The following TMEM108 variants were observed in gnomAD, a reference collection of about 807,000 sequenced individuals.
TMEM108 encodes cancer/testis antigen 124.
Under a neutral mutation model 35.1 loss-of-function variants are expected in TMEM108, and 12 were observed. That is an observed-to-expected ratio of 0.34 (90% CI 0.22 to 0.55). The LOEUF is 0.55. TMEM108 is among the 20% of genes least tolerant of loss of function. The pLI is 0.89. For synonymous variants in TMEM108, 287 were observed against 308.6 expected (o/e 0.93, Z 0.73); for missense variants, 680 against 753.3 (o/e 0.90, Z 1.14).
intron 3 of TMEM108, among the ~76,000 whole-genome samples, chr3:133,345,316 C>T (rs1169871583): frequency 6.6e-6 from 1 of 151,748 alleles, no homozygotes; most frequent in Non-Finnish European, 1.5e-5. Flanking sequence ...AGACCCAGAG[C>T]TAGATGACCA....
chr3:133,194,442 C>T (rs1945547497), intron 2 of TMEM108, among the ~76,000 whole-genome samples: 1 of 152,086 alleles, frequency 6.6e-6, no homozygotes, highest in Non-Finnish European at 1.5e-5. Flanking sequence ...AAACTAGATT[C>T]ATCCTAACAA....
At chr3:133,201,809 TATAC>T in intron 2 of TMEM108, among the ~76,000 whole-genome samples, 1 of 152,354 alleles carries the variant, frequency 6.6e-6, no homozygotes, top group Admixed American at 6.5e-5. Flanking sequence ...ACTGTGGGTA[TATAC>T]CCAGTAACAG....
At chr3:133,324,146 C>T (rs145136246) in intron 3 of TMEM108, among the ~76,000 whole-genome samples, 241 of 152,170 alleles carry the variant, frequency 1.6e-3, no homozygotes, top group African/African-American at 5.4e-3. Context: ...AATCCAACAG[C>T]AAATTGAACA....
intron 2 of TMEM108, among the ~76,000 whole-genome samples, chr3:133,199,149 A>G (rs1173694482): frequency 6.6e-6 from 1 of 152,124 alleles, no homozygotes; most frequent in African/African-American, 2.4e-5. Context: ...AGGTCCCTTA[A>G]GGACTTCTCT....
chr3:133,049,510 C>T (rs537316796), intron 2 of TMEM108, among the ~76,000 whole-genome samples: 1 of 152,230 alleles, frequency 6.6e-6, no homozygotes, highest in Admixed American at 6.5e-5. Flanking sequence ...ATAACAAGAC[C>T]TCAACTCATT....
At chr3:133,256,164 G>A (rs1946543287) in intron 3 of TMEM108, among the ~76,000 whole-genome samples, 1 of 152,248 alleles carries the variant, frequency 6.6e-6, no homozygotes, top group Admixed American at 6.5e-5. Flanking sequence ...CAAGGAGACA[G>A]TGAAATAATA....
intron 2 of TMEM108, chr3:133,125,034 G>A (rs1264228086): frequency 1.3e-5 from 2 of 152,188 alleles, no homozygotes; most frequent in Non-Finnish European, 2.9e-5. Flanking sequence ...TCTGAGACTC[G>A]TTGGAGAATT....
At chr3:133,044,680 G>A (rs1251823004) in intron 1 of TMEM108, among the ~76,000 whole-genome samples, 2 of 152,160 alleles carry the variant, frequency 1.3e-5, no homozygotes, top group Non-Finnish European at 2.9e-5. Context: ...AGAAGTTGGT[G>A]GCTCGTGCCT....
At chr3:133,273,505 A>G (rs1410251979) in intron 3 of TMEM108, among the ~76,000 whole-genome samples, 2 of 152,154 alleles carry the variant, frequency 1.3e-5, no homozygotes, top group Non-Finnish European at 2.9e-5. Context: ...AGTACTCAGC[A>G]GGACTGACGT....
intron 2 of TMEM108, among the ~76,000 whole-genome samples, chr3:133,170,567 A>C (rs73007502): frequency 3.3e-5 from 5 of 152,094 alleles, no homozygotes; most frequent in Non-Finnish European, 7.4e-5. Flanking sequence ...ACATTAACAC[A>C]CTCTAAGACA....
At chr3:133,300,129 A>C (rs1225900186) in intron 3 of TMEM108, among the ~76,000 whole-genome samples, 1 of 152,236 alleles carries the variant, frequency 6.6e-6, no homozygotes, top group Middle Eastern at 3.4e-3. Flanking sequence ...CAAGCATTGA[A>C]AGCCTCCAAA....
At chr3:133,245,728 G>C (rs2107663995) in intron 3 of TMEM108, among the ~76,000 whole-genome samples, 1 of 152,302 alleles carries the variant, frequency 6.6e-6, no homozygotes. Flanking sequence ...CATATTGTTG[G>C]ATGAGACTTC....
intron 2 of TMEM108, among the ~76,000 whole-genome samples, chr3:133,182,320 G>A (rs1190545448): frequency 1.3e-5 from 2 of 152,120 alleles, no homozygotes; most frequent in African/African-American, 4.8e-5. Flanking sequence ...AAATACATTG[G>A]TTTGATTTCT....
chr3:133,142,425 A>G (rs990322106), intron 2 of TMEM108, among the ~76,000 whole-genome samples: 7 of 152,194 alleles, frequency 4.6e-5, no homozygotes, highest in African/African-American at 1.7e-4. Context: ...TGAGGAGAGC[A>G]GCTCAGCTGG....
chr3:133,073,013 A>G (rs1943694480), intron 2 of TMEM108, among the ~76,000 whole-genome samples: 1 of 152,148 alleles, frequency 6.6e-6, no homozygotes, highest in Non-Finnish European at 1.5e-5. Context: ...GTTTAAATTG[A>G]CAGATGGAAA....
chr3:133,337,799 T>G (rs1292896512), intron 3 of TMEM108, among the ~76,000 whole-genome samples: 1 of 152,030 alleles, frequency 6.6e-6, no homozygotes, highest in Non-Finnish European at 1.5e-5. Context: ...TTCAAAGAAA[T>G]TCAAGATAAC....
At chr3:133,364,359 A>G (rs2072443594) in intron 3 of TMEM108, among the ~76,000 whole-genome samples, 1 of 152,234 alleles carries the variant, frequency 6.6e-6, no homozygotes, top group Non-Finnish European at 1.5e-5. Context: ...TGTGTGCTGG[A>G]TGAATTAAAT....
At chr3:133,272,695 A>T (rs1164591471) in intron 3 of TMEM108, among the ~76,000 whole-genome samples, 2 of 152,152 alleles carry the variant, frequency 1.3e-5, no homozygotes, top group Non-Finnish European at 2.9e-5. Context: ...TGAATCATAG[A>T]GCTGGAAGGG....
At position 133,068,809 on chromosome 3, in the gene TMEM108, G is replaced by A. The variant is rs939898153; in HGVS notation, c.-47+22789G>A. Among the ~76,000 whole-genome samples, 13 of 152,092 alleles carry A rather than the reference G, an allele frequency of 8.5e-5. No homozygotes were observed. In the East Asian group the frequency reaches 1.2e-3, roughly 14 times the overall value. On this transcript the variant is annotated intron_variant, in intron 2 of 5. Coordinates refer to ENST00000321871, the MANE Select transcript of TMEM108 (RefSeq NM_023943.4). ...GGGTGGTGAAGCACATAAGAAAACC[G>A]TTAGTACTAAATGCCAAGTGAGCTG...
Sources: gnomAD v4.1 joint callset for allele counts (sites outside exome capture counted in the v4.1 genomes callset) on GRCh38, gnomAD v4.1.1 for gene constraint, MANE v1.5 for transcripts, NCBI Gene and HGNC (gene_info 2026-07-23, HGNC 2026-07-21) for gene names.